The following SPC25 variants were observed in gnomAD, a reference collection of about 807,000 sequenced individuals.
SPC25 encodes the protein SPC25 component of NDC80 kinetochore complex, also known as kinetochore protein Spc25.
A neutral mutation model predicts 29.6 loss-of-function variants in SPC25; 22 were observed. That is an observed-to-expected ratio of 0.74 (90% CI 0.53 to 1.06). The LOEUF (loss-of-function observed/expected upper bound fraction) is 1.06. SPC25 is among the 50% of genes least tolerant of loss of function. The pLI is 0.00. For synonymous variants in SPC25, 91 were observed against 90.4 expected (o/e 1.01, Z -0.04); for missense variants, 230 against 255.8 (o/e 0.90, Z 0.69).
chr2:168,881,379 G>A (rs1354091625), intron 3 of SPC25, among the ~76,000 whole-genome samples: 1 of 152,160 alleles, frequency 6.6e-6, no homozygotes, highest in Non-Finnish European at 1.5e-5. Flanking sequence ...CCTCTCTGCT[G>A]GGAAAGGAGT....
At chr2:168,870,373 A>C (rs1170022457), downstream of SPC25, among the ~76,000 whole-genome samples, 1 of 151,470 alleles carries the variant, frequency 6.6e-6, no homozygotes, top group Non-Finnish European at 1.5e-5. Context: ...TAATTAAACT[A>C]AAGAGCTTCT....
intron 2 of SPC25, 42 bp downstream of exon 2, chr2:168,889,345 T>C: frequency 1.2e-6 from 2 of 1,613,482 alleles, no homozygotes; most frequent in Non-Finnish European, 1.7e-6. Context: ...AAAAATAAAC[T>C]AGAACAGCAA....
At chr2:168,886,050 C>CG (rs1690255292) in intron 3 of SPC25, among the ~76,000 whole-genome samples, 1 of 97,072 alleles carries the variant, frequency 1.0e-5, no homozygotes, top group African/African-American at 4.1e-5. Context: ...CGAATACAAT[C>CG]TTTTTTTTTT....
At chr2:168,869,265 A>G (rs185135915), downstream of SPC25, among the ~76,000 whole-genome samples, 3 of 152,310 alleles carry the variant, frequency 2.0e-5, no homozygotes, top group Admixed American at 6.5e-5. Context: ...GAATGGACAA[A>G]AACTGGAAGC....
chr2:168,888,896 G>C (rs1469445962), intron 3 of SPC25, among the ~76,000 whole-genome samples: 1 of 142,416 alleles, frequency 7.0e-6, no homozygotes, highest in Non-Finnish European at 1.5e-5. Flanking sequence ...CAAAGTGTTG[G>C]GATTACAGGC....
At chr2:168,866,416 C>T (rs1229508611), downstream of SPC25, among the ~76,000 whole-genome samples, 2 of 151,900 alleles carry the variant, frequency 1.3e-5, no homozygotes, top group African/African-American at 4.9e-5. Context: ...GGAAAACTGG[C>T]TAGCCATATG....
chr2:168,865,942 A>C (rs1689837010), downstream of SPC25, among the ~76,000 whole-genome samples: 1 of 152,292 alleles, frequency 6.6e-6, no homozygotes, highest in South Asian at 2.1e-4. Context: ...TTCAAGGAGA[A>C]CTACAAACCA....
At chr2:168,865,076 G>C in intron 4 of SPC25, 1 of 1,247,008 alleles carries the variant, frequency 8.0e-7, no homozygotes, top group Non-Finnish European at 1.1e-6. Context: ...TTTTGAAATG[G>C]ATGGAGTTCT....
At chr2:168,865,705 G>C (rs963612056) in intron 4 of SPC25, among the ~76,000 whole-genome samples, 2 of 152,162 alleles carry the variant, frequency 1.3e-5, no homozygotes, top group African/African-American at 4.8e-5. Flanking sequence ...TGACATGATT[G>C]TATATCTAGA....
intron 4 of SPC25, chr2:168,863,302 C>CTTTAAGAATAGTGATT (rs1689593957): frequency 1.1e-5 from 7 of 627,146 alleles, no homozygotes; most frequent in Non-Finnish European, 1.4e-5. Flanking sequence ...GAATAATGTC[C>CTTTAAGAATAGTGATT]TTTAAGAATA....
At chr2:168,875,939 G>T in intron 5 of SPC25, 133 bp downstream of exon 5, 1 of 465,074 alleles carries the variant, frequency 2.2e-6, no homozygotes, top group Non-Finnish European at 3.8e-6. Context: ...TTTAAAAATT[G>T]TAATTTTTTC....
chr2:168,876,327 T>G (rs1191923502), intron 4 of SPC25, 151 bp from the exon 5 acceptor site: 1 of 571,116 alleles, frequency 1.8e-6, no homozygotes, highest in Non-Finnish European at 2.9e-6. Context: ...ACCAGTTGGC[T>G]AAAAGAAGCT....
chr2:168,890,093 G>C (rs900706569), intron 1 of SPC25, among the ~76,000 whole-genome samples: 2 of 152,246 alleles, frequency 1.3e-5, no homozygotes, highest in South Asian at 2.1e-4. Context: ...CCAGTACTCT[G>C]CGACGCTAAA....
At chr2:168,874,048 C>T (rs1168081657) in intron 5 of SPC25, among the ~76,000 whole-genome samples, 1 of 152,054 alleles carries the variant, frequency 6.6e-6, no homozygotes, top group African/African-American at 2.4e-5. Flanking sequence ...CTAAAAACCA[C>T]CCAATTCAAT....
At chr2:168,865,781 A>G (rs917015905) in intron 4 of SPC25, among the ~76,000 whole-genome samples, 2 of 140,498 alleles carry the variant, frequency 1.4e-5, no homozygotes, top group Non-Finnish European at 3.2e-5. Flanking sequence ...GTCTCAAGAT[A>G]CAAAATCAAT....
rs1690354870 is a variant in SPC25, at chr2:168,889,530, A to G, written c.-11T>C. The G allele has an allele frequency of 6.2e-7, 1 of 1,610,654 alleles. No individual in the cohort carries two copies. Among genetic ancestry groups the G allele is most frequent in the East Asian group, 2.2e-5 (1 of 44,848 alleles). Reference sequence around the variant, plus strand: ...TTCGTCCTCTACCATTATGTAGGACAATGCTAAAAACAGAATACATATTGC... The same window carrying G: ...TTCGTCCTCTACCATTATGTAGGACGATGCTAAAAACAGAATACATATTGC... On this transcript the variant is annotated 5_prime_UTR_variant, in exon 2 of 7. Coordinates refer to ENST00000282074, the MANE Select transcript of SPC25 (RefSeq NM_020675.4).
intron 4 of SPC25, among the ~76,000 whole-genome samples, chr2:168,864,317 G>A (rs1689706859): frequency 6.9e-6 from 1 of 145,782 alleles, no homozygotes; most frequent in South Asian, 2.2e-4. Context: ...GTCTTGCCCT[G>A]TTGCTGTTGC....
At chr2:168,867,097 C>A (rs1298689966), downstream of SPC25, among the ~76,000 whole-genome samples, 1 of 152,104 alleles carries the variant, frequency 6.6e-6, no homozygotes, top group South Asian at 2.1e-4. Context: ...ACTAGAAATA[C>A]CATTTGACCC....
intron 3 of SPC25, among the ~76,000 whole-genome samples, chr2:168,880,871 TG>T (rs35790000): frequency 6.6e-6 from 1 of 152,210 alleles, no homozygotes; most frequent in African/African-American, 2.4e-5. Context: ...TCATCTTATA[TG>T]GGTGTCATTC....
Sources: allele counts gnomAD v4.1 joint callset (sites outside exome capture counted in the v4.1 genomes callset), GRCh38; gene constraint gnomAD v4.1.1; transcripts MANE v1.5; gene names NCBI Gene and HGNC (gene_info 2026-07-23, HGNC 2026-07-21).